The following TNRC6B variants were observed in gnomAD, a reference collection of about 807,000 sequenced individuals.
TNRC6B encodes the protein trinucleotide repeat-containing gene 6B protein.
Under a neutral mutation model 203.6 loss-of-function variants are expected in TNRC6B, and 52 were observed. That is an observed-to-expected ratio of 0.26 (90% CI 0.20 to 0.32). TNRC6B has a LOEUF of 0.32. TNRC6B is among the 10% of genes least tolerant of loss of function. TNRC6B has a pLI of 1.00. For synonymous variants in TNRC6B, 838 were observed against 845.7 expected (o/e 0.99, Z 0.16); for missense variants, 1,923 against 2,286.2 (o/e 0.84, Z 3.24).
At chr22:40,104,834 A>G (rs2068268786) in intron 1 of TNRC6B, among the ~76,000 whole-genome samples, 1 of 152,180 alleles carries the variant, frequency 6.6e-6, no homozygotes, top group Non-Finnish European at 1.5e-5. Flanking sequence ...ACCCTGTTTT[A>G]CAGACGAGAA....
intron 1 of TNRC6B, among the ~76,000 whole-genome samples, chr22:40,053,806 T>C (rs1490689823): frequency 1.3e-5 from 2 of 152,272 alleles, no homozygotes; most frequent in African/African-American, 4.8e-5. Flanking sequence ...TTCAGAGAAT[T>C]GTTGAAACTG....
At chr22:40,276,237 C>A (rs1192564343) in intron 7 of TNRC6B, among the ~76,000 whole-genome samples, 8 of 151,416 alleles carry the variant, frequency 5.3e-5, no homozygotes, top group Admixed American at 2.6e-4. Context: ...GTCCCAGCTA[C>A]TCGGGAGGCT....
chr22:40,261,899 G>A lies in TNRC6B; in HGVS notation c.183G>A (p.Ser61=), dbSNP rs745950841. 5 of 1,600,102 alleles carry A rather than the reference G, an allele frequency of 3.1e-6. No individual in the cohort carries two copies. Among genetic ancestry groups the A allele is most frequent in the Non-Finnish European group, 4.3e-6 (5 of 1,168,956 alleles). ...CCAGCCCAATTGGCAGCTCTCCATCGCCACCAGTCAATGGTGGCAACAATG... is the reference window on the plus strand; with the variant it reads ...CCAGCCCAATTGGCAGCTCTCCATCACCACCAGTCAATGGTGGCAACAATG... The part of the protein sequence containing the change: ...TAASPIGSSP[S]PPVNGGNNAK... Residue 61 remains serine (S), a synonymous_variant, in exon 4 of 23, where the codon TCG becomes TCA. Coordinates refer to ENST00000454349, the MANE Select transcript of TNRC6B (RefSeq NM_001162501.2).
At chr22:40,140,865 T>C (rs1414937963) in intron 3 of TNRC6B, among the ~76,000 whole-genome samples, 1 of 152,100 alleles carries the variant, frequency 6.6e-6, no homozygotes, top group Non-Finnish European at 1.5e-5. Context: ...GGTCTCAAAC[T>C]CCTGACCTCA....
intron 1 of TNRC6B, among the ~76,000 whole-genome samples, chr22:40,050,140 A>T (rs1284401918): frequency 6.6e-6 from 1 of 152,192 alleles, no homozygotes; most frequent in African/African-American, 2.4e-5. Flanking sequence ...CTACTTAGTT[A>T]CGATACTGGC....
chr22:40,135,205 A>AGTC (rs1479013304), intron 3 of TNRC6B, among the ~76,000 whole-genome samples: 2 of 152,170 alleles, frequency 1.3e-5, no homozygotes, highest in African/African-American at 4.8e-5. Context: ...CAGCCTTAGA[A>AGTC]GTCACCCAGC....
intron 1 of TNRC6B, among the ~76,000 whole-genome samples, chr22:40,237,112 C>T (rs2069958508): frequency 6.6e-6 from 1 of 152,176 alleles, no homozygotes; most frequent in African/African-American, 2.4e-5. Flanking sequence ...CTGCAGTGAG[C>T]TGAGATTGTG....
chr22:40,156,075 G>A, intron 3 of TNRC6B: 1 of 1,551,562 alleles, frequency 6.4e-7, no homozygotes, highest in Non-Finnish European at 8.7e-7. Context: ...TCGCATTGTA[G>A]TTACTGACTG....
At chr22:40,074,235 CAA>C (rs944802253) in intron 1 of TNRC6B, among the ~76,000 whole-genome samples, 364 of 68,346 alleles carry the variant, frequency 5.3e-3, no homozygotes, top group African/African-American at 0.015. Context: ...CGCTCTGTCT[CAA>C]AAAAAAAAAA....
chr22:40,285,839 A>G (rs2070772928), intron 12 of TNRC6B, 69 bp downstream of exon 12: 1 of 1,557,010 alleles, frequency 6.4e-7, no homozygotes, highest in Non-Finnish European at 8.7e-7. Context: ...TTGTTAACTG[A>G]TTTTTGTGGG....
chr22:40,218,806 CTCTT>C, intron 1 of TNRC6B, among the ~76,000 whole-genome samples: 1 of 152,338 alleles, frequency 6.6e-6, no homozygotes. Flanking sequence ...GAGTACAAGT[CTCTT>C]CAGGGAGACA....
At chr22:40,257,821 G>A (rs563376854) in intron 3 of TNRC6B, among the ~76,000 whole-genome samples, 97 of 152,220 alleles carry the variant, frequency 6.4e-4, no homozygotes, top group African/African-American at 2.2e-3. Context: ...TCAGGAGTTC[G>A]AGACTAGCCT....
At chr22:40,135,463 T>G (rs2068591904) in intron 3 of TNRC6B, among the ~76,000 whole-genome samples, 1 of 152,212 alleles carries the variant, frequency 6.6e-6, no homozygotes, top group South Asian at 2.1e-4. Flanking sequence ...TTATTTTATT[T>G]TTATTTTAGC....
chr22:40,324,849 C>T lies in TNRC6B; in HGVS notation c.*1608C>T, dbSNP rs992601817. On this transcript the variant is annotated 3_prime_UTR_variant, in exon 23 of 23. Transcript: ENST00000454349. ...CCTTGTAATTTTGCTTTTTTAATTTCGGTATTTAAATACTTTTTTTTTTTT... is the reference window on the plus strand; with the variant it reads ...CCTTGTAATTTTGCTTTTTTAATTTTGGTATTTAAATACTTTTTTTTTTTT... 1.2e-4 allele frequency: 18 copies of T among 150,700 alleles called. No homozygotes were observed. The highest frequency in any genetic ancestry group is 3.7e-4 in the African/African-American group (15 of 40,830). The allele number at this position is 150,700 out of a possible 1,614,324, so 9.3% of individuals were successfully genotyped here. A position where few individuals can be genotyped will look rare whatever the true frequency, so the allele number is the denominator to read the frequency against.
intron 1 of TNRC6B, among the ~76,000 whole-genome samples, chr22:40,210,062 C>G (rs1440089821): frequency 6.6e-6 from 1 of 151,420 alleles, no homozygotes; most frequent in East Asian, 1.9e-4. Flanking sequence ...CACATGCATA[C>G]TTGGTGACCT....
chr22:40,172,528 G>C (rs577783792), intron 4 of TNRC6B, among the ~76,000 whole-genome samples: 1 of 152,286 alleles, frequency 6.6e-6, no homozygotes, highest in Admixed American at 6.5e-5. Context: ...TAAAGCCTAT[G>C]TGGTCATAAT....
intron 10 of TNRC6B, among the ~76,000 whole-genome samples, chr22:40,280,482 A>G (rs184177633): frequency 9.8e-4 from 149 of 152,346 alleles, no homozygotes; most frequent in Middle Eastern, 3.4e-3. Flanking sequence ...CAAATATTCC[A>G]TGTCTCCTAA....
chr22:40,086,577 G>A lies in TNRC6B; in HGVS notation c.-120-30478G>A, dbSNP rs868787138. ...AGGGAGCTCTCGTTCTTTTCAGCAGGAAAGGATATATGGAGGCACATTTGG... is the reference window on the plus strand; with the variant it reads ...AGGGAGCTCTCGTTCTTTTCAGCAGAAAAGGATATATGGAGGCACATTTGG... On this transcript the variant is annotated intron_variant, in intron 1 of 23. Coordinates refer to the TNRC6B transcript ENST00000301923. Among the ~76,000 whole-genome samples the A allele has an allele frequency of 1.7e-4, 26 of 152,278 alleles. 1 individual carries two copies. The highest frequency in any genetic ancestry group is 3.4e-3 in the Middle Eastern group (1 of 294).
intron 1 of TNRC6B, among the ~76,000 whole-genome samples, chr22:40,202,681 C>T (rs985804977): frequency 1.3e-5 from 2 of 152,100 alleles, no homozygotes; most frequent in African/African-American, 2.4e-5. Flanking sequence ...TCCTCTGTGT[C>T]CCTGGCCACA....
Sources: gnomAD v4.1 joint callset for allele counts (sites outside exome capture counted in the v4.1 genomes callset) on GRCh38, gnomAD v4.1.1 for gene constraint, MANE v1.5 for transcripts, NCBI Gene and HGNC (gene_info 2026-07-23, HGNC 2026-07-21) for gene names.